Variants in KIF13B observed in about 807,000 individuals in gnomAD.
KIF13B encodes the protein kinesin family member 13B, also known as kinesin-like protein KIF13B.
In KIF13B, 127 loss-of-function variants were observed where a neutral mutation model predicts 222.0. The ratio of observed to expected loss-of-function variants is 0.57; its 90% CI spans 0.50 to 0.66. The LOEUF is 0.66. Among genes scored for constraint, KIF13B ranks in the 30% least tolerant of loss-of-function variants. KIF13B has a pLI of 0.00. For synonymous variants in KIF13B, 976 were observed against 919.0 expected (o/e 1.06, Z -1.12); for missense variants, 2,173 against 2,379.0 (o/e 0.91, Z 1.80).
intron 10 of KIF13B, among the ~76,000 whole-genome samples, chr8:29,172,296 A>G (rs1258827121): frequency 2.0e-5 from 3 of 151,484 alleles, no homozygotes; most frequent in African/African-American, 7.3e-5. Context: ...GTTAGCCAGG[A>G]TGGTCTCGAT....
chr8:29,239,819 T>A (rs1815682619), intron 2 of KIF13B, among the ~76,000 whole-genome samples: 2 of 152,074 alleles, frequency 1.3e-5, no homozygotes, highest in Non-Finnish European at 2.9e-5. Flanking sequence ...CCCGCCACCA[T>A]GCCTGGCTAA....
chr8:29,091,820 A>G (rs1352146518), intron 37 of KIF13B, among the ~76,000 whole-genome samples: 1 of 152,220 alleles, frequency 6.6e-6, no homozygotes, highest in African/African-American at 2.4e-5. Context: ...AAACAGCTGT[A>G]AAATCTTGGT....
Position 29,228,472 on chromosome 8 carries a change from A to AAAAAAAAAAAAAATATATATATATATAT in KIF13B, c.149+16873_149+16874insATATATATATATATATTTTTTTTTTTTT. ...ACAGAGCCAGACTCCATCTTAAAAA[A>AAAAAAAAAAAAAATATATATATATATAT]ATATATATATATATATATGAGATAC... On this transcript the variant is annotated intron_variant, in intron 2 of 39. Transcript: ENST00000524189. Among the ~76,000 whole-genome samples the AAAAAAAAAAAAAATATATATATATATAT allele has an allele frequency of 2.6e-4, 30 of 117,070 alleles. 1 individual carries two copies. Among genetic ancestry groups the AAAAAAAAAAAAAATATATATATATATAT allele is most frequent in the African/African-American group, 8.5e-4 (26 of 30,718 alleles). 76.8% of individuals were successfully genotyped at this position (117,070 alleles called of 152,430 possible).
At chr8:29,136,838 T>C (rs1401607469) in intron 21 of KIF13B, among the ~76,000 whole-genome samples, 1 of 148,542 alleles carries the variant, frequency 6.7e-6, no homozygotes, top group Non-Finnish European at 1.5e-5. Flanking sequence ...CTCGCTCTGT[T>C]GCCCAGGCTG....
intron 35 of KIF13B, among the ~76,000 whole-genome samples, chr8:29,100,826 G>A (rs928641990): frequency 4.6e-5 from 7 of 152,196 alleles, no homozygotes; most frequent in South Asian, 2.1e-4. Context: ...GGATTGTGGA[G>A]GAAGGGCCTC....
Position 29,071,821 on chromosome 8 carries a change from C to A in KIF13B, c.5017G>T (p.Ala1673Ser), listed in dbSNP as rs761642628. Residue 1673 changes from alanine (A) to serine (S), a missense_variant, in exon 39 of 40, where the codon GCC (alanine) becomes TCC (serine). Physicochemically the swap from Ala to Ser is moderately conservative, Grantham distance 99. Around this residue, in one of 2 missense-constraint regions of KIF13B, gnomAD observed 693 missense variants for 656.2 expected, o/e 1.06. Transcript: ENST00000524189. The surrounding 1 kb of genome is among the most constrained non-coding windows in gnomAD (Gnocchi z 4.9). ...CCCGGGGCCGGCGCATTCCCCTCGG[C>A]CCCCGGGGAGCAGCCGGGGTCCCCA... ...LAGDPGCSPG[A>S]EGNAPAPGAG... 1 of 1,542,790 alleles carries A rather than the reference C, an allele frequency of 6.5e-7. No homozygotes were observed. Among genetic ancestry groups the A allele is most frequent in the African/African-American group, 1.4e-5 (1 of 72,950 alleles).
intron 14 of KIF13B, among the ~76,000 whole-genome samples, chr8:29,151,307 A>G (rs1035586567): frequency 5.3e-5 from 8 of 152,232 alleles, no homozygotes; most frequent in African/African-American, 1.9e-4. Context: ...GAAAGAAGCC[A>G]CCTCTGTAAC....
At chr8:29,206,941 T>G (rs1813972287) in intron 2 of KIF13B, among the ~76,000 whole-genome samples, 1 of 151,966 alleles carries the variant, frequency 6.6e-6, no homozygotes, top group Non-Finnish European at 1.5e-5. Flanking sequence ...AGCAAGGGAG[T>G]GGGCCATGTG....
At chr8:29,230,561 T>C (rs1296824483) in intron 2 of KIF13B, among the ~76,000 whole-genome samples, 1 of 152,126 alleles carries the variant, frequency 6.6e-6, no homozygotes, top group East Asian at 1.9e-4. Flanking sequence ...TTAGTGTGGA[T>C]TCCTCAGAAA....
chr8:29,110,067 C>T lies in KIF13B; in HGVS notation c.3934G>A (p.Ala1312Thr). The change falls in exon 33 of 40, where the codon GCC (alanine) becomes ACC (threonine). Residue 1312 changes from alanine (A) to threonine (T), a missense_variant. This residue lies in a region of KIF13B where 1,480 missense variants were observed against 1,722.8 expected (regional missense o/e 0.86). Coordinates refer to ENST00000524189, the MANE Select transcript of KIF13B (RefSeq NM_015254.4). ...FEIVSNIPED[A>T]QGVEEREALA... is the part of the protein sequence containing the mutation. The stretch of plus-strand genomic sequence containing the variant: ...GCTTCCCGTTCTTCCACTCCCTGGG[C>T]ATCCTGAGCAGTGGAAAGTTATACA... The T allele has an allele frequency of 6.4e-7, 1 of 1,556,384 alleles. No homozygotes were observed. Among genetic ancestry groups the T allele is most frequent in the Non-Finnish European group, 8.7e-7 (1 of 1,149,452 alleles).
rs374872489 is a variant in KIF13B, at chr8:29,134,250, G to A, written c.2614-40C>T. 9.4e-5 allele frequency: 150 copies of A among 1,593,570 alleles called. 2 individuals are homozygous for A. In the East Asian group the frequency reaches 1.1e-3, roughly 11 times the overall value. ...AGGCTCTGTGTTTTGAAATCTGAGG[G>A]TTCCAACAAGCATTCAGAGTTGCAG... is the stretch of plus-strand genomic sequence containing the variant. On this transcript the variant is annotated intron_variant, in intron 21 of 39. Coordinates refer to ENST00000524189, the MANE Select transcript of KIF13B (RefSeq NM_015254.4).
chr8:29,239,189 G>A (rs993897240), intron 2 of KIF13B, among the ~76,000 whole-genome samples: 5 of 152,214 alleles, frequency 3.3e-5, no homozygotes, highest in African/African-American at 9.6e-5. Context: ...GGAAGAAAAT[G>A]GACTCACACT....
rs371823641 is a variant in KIF13B, at chr8:29,123,365, C to T, written c.3479+1G>A. ...CACAAGACGCACCACAGGGTTCATA[C>T]CATTCTGCTGGGGCCCCTGGAATAC... On this transcript the variant is annotated splice_donor_variant, in intron 28 of 39. Coordinates refer to ENST00000524189, the MANE Select transcript of KIF13B (RefSeq NM_015254.4). LOFTEE classifies it high-confidence loss of function. The T allele has an allele frequency of 1.2e-6, 2 of 1,613,770 alleles. No individual in the cohort carries two copies. The highest frequency in any genetic ancestry group is 1.3e-5 in the African/African-American group (1 of 75,056).
intron 1 of KIF13B, among the ~76,000 whole-genome samples, chr8:29,257,841 AC>A (rs1816543215): frequency 6.6e-6 from 1 of 152,126 alleles, no homozygotes; most frequent in African/African-American, 2.4e-5. Flanking sequence ...AAACAAAGAA[AC>A]CAACCAACAA....
chr8:29,198,342 CAG>C, intron 2 of KIF13B, among the ~76,000 whole-genome samples: 1 of 151,720 alleles, frequency 6.6e-6, no homozygotes, highest in East Asian at 1.9e-4. Context: ...TTTTTTGAGA[CAG>C]AGTTTTCACT....
intron 6 of KIF13B, among the ~76,000 whole-genome samples, chr8:29,183,646 G>A (rs1451078035): frequency 6.6e-6 from 1 of 152,170 alleles, no homozygotes; most frequent in Non-Finnish European, 1.5e-5. Flanking sequence ...AGAACAGCAA[G>A]AATAATGTCT....
chr8:29,143,835 T>A (rs1274804375), intron 18 of KIF13B, among the ~76,000 whole-genome samples: 1 of 150,694 alleles, frequency 6.6e-6, no homozygotes, highest in Non-Finnish European at 1.5e-5. Flanking sequence ...AAAGCAAGAC[T>A]CTGTCTCAAA....
intron 2 of KIF13B, among the ~76,000 whole-genome samples, chr8:29,225,099 A>C (rs1160318084): frequency 6.6e-6 from 1 of 152,220 alleles, no homozygotes; most frequent in Non-Finnish European, 1.5e-5. Flanking sequence ...GACATCACGG[A>C]AAGATATGTC....
At chr8:29,144,249 C>G (rs1810953132) in intron 18 of KIF13B, among the ~76,000 whole-genome samples, 1 of 151,792 alleles carries the variant, frequency 6.6e-6, no homozygotes, top group East Asian at 1.9e-4. Context: ...TTCTTACGGT[C>G]AAAATGCGTG....
Sources: allele counts gnomAD v4.1 joint callset (sites outside exome capture counted in the v4.1 genomes callset), GRCh38; gene constraint gnomAD v4.1.1; regional missense constraint gnomAD v4.1.1; non-coding constraint Gnocchi (gnomAD v3.1); transcripts MANE v1.5; gene names NCBI Gene and HGNC (gene_info 2026-07-23, HGNC 2026-07-21).